Variants in CORO2B observed in about 807,000 individuals in gnomAD.
The protein encoded by CORO2B is coronin 2B.
A neutral mutation model predicts 58.8 loss-of-function variants in CORO2B; 26 were observed. That is an observed-to-expected ratio of 0.44 (90% CI 0.32 to 0.61). CORO2B has a LOEUF of 0.61. Among genes scored for constraint, CORO2B ranks in the 20% least tolerant of loss-of-function variants. CORO2B has a pLI of 0.04. For missense variants in CORO2B, 460 were observed against 645.1 expected (o/e 0.71, Z 3.11); for synonymous variants, 242 against 253.8 (o/e 0.95, Z 0.44).
At chr15:68,724,156 C>A (rs975577740) in intron 11 of CORO2B, among the ~76,000 whole-genome samples, 3 of 152,160 alleles carry the variant, frequency 2.0e-5, no homozygotes, top group African/African-American at 7.2e-5. Flanking sequence ...GAGCCAAGAT[C>A]GCGCCACTGC....
chr15:68,720,177 C>T (rs947990847), intron 11 of CORO2B, among the ~76,000 whole-genome samples: 1 of 152,184 alleles, frequency 6.6e-6, no homozygotes, highest in Non-Finnish European at 1.5e-5. Context: ...ATGGAGATGG[C>T]TGCATGACCC....
chr15:68,541,339 G>A, the CORO2B span, among the ~76,000 whole-genome samples: 10 of 152,086 alleles, frequency 6.6e-5, no homozygotes, highest in Non-Finnish European at 4.4e-5. Flanking sequence ...AGTCCTATTG[G>A]CACCAAGTAG....
the CORO2B span, among the ~76,000 whole-genome samples, chr15:68,530,992 A>G: frequency 6.6e-6 from 1 of 152,066 alleles, no homozygotes; most frequent in Non-Finnish European, 1.5e-5. Flanking sequence ...CTTTTTGCTC[A>G]TTCTTTTTTG....
intron 1 of CORO2B, among the ~76,000 whole-genome samples, chr15:68,604,667 C>T (rs1308170357): frequency 4.0e-5 from 6 of 151,726 alleles, no homozygotes; most frequent in Admixed American, 3.9e-4. Flanking sequence ...AATTCCTCAT[C>T]CCAGCATTCC....
At chr15:68,693,117 C>T (rs1194601521) in intron 2 of CORO2B, among the ~76,000 whole-genome samples, 2 of 152,226 alleles carry the variant, frequency 1.3e-5, no homozygotes, top group Non-Finnish European at 2.9e-5. Context: ...TGGGTCCAGC[C>T]TCTGAGGCTT....
chr15:68,687,747 G>A (rs1210792691), intron 2 of CORO2B, among the ~76,000 whole-genome samples: 2 of 152,250 alleles, frequency 1.3e-5, no homozygotes, highest in African/African-American at 4.8e-5. Flanking sequence ...CAGGCATCTG[G>A]CAACGGCCTT....
the CORO2B span, among the ~76,000 whole-genome samples, chr15:68,544,632 C>T: frequency 4.6e-5 from 7 of 152,130 alleles, no homozygotes; most frequent in African/African-American, 1.7e-4. Flanking sequence ...TGATTTTGGT[C>T]TCCATTATGG....
At chr15:68,672,598 CAG>C (rs1334944326) in intron 2 of CORO2B, among the ~76,000 whole-genome samples, 3 of 152,156 alleles carry the variant, frequency 2.0e-5, no homozygotes, top group Non-Finnish European at 2.9e-5. Flanking sequence ...GAAGTTAAAA[CAG>C]AAATGTCTGA....
chr15:68,544,520 A>C, the CORO2B span, among the ~76,000 whole-genome samples: 3 of 152,166 alleles, frequency 2.0e-5, no homozygotes, highest in Admixed American at 1.3e-4. Flanking sequence ...GATGCAGAGG[A>C]TGGCCCCCTG....
chr15:68,683,387 G>C (rs563170470), intron 2 of CORO2B, among the ~76,000 whole-genome samples: 1 of 152,326 alleles, frequency 6.6e-6, no homozygotes, highest in African/African-American at 2.4e-5. Flanking sequence ...GCTCTGTGGC[G>C]GGGGAGGAGA....
chr15:68,673,309 G>C (rs1902464131), intron 2 of CORO2B, among the ~76,000 whole-genome samples: 1 of 152,136 alleles, frequency 6.6e-6, no homozygotes, highest in Non-Finnish European at 1.5e-5. Flanking sequence ...GCTGAGGTGG[G>C]AGGATTGCTT....
At chr15:68,638,403 A>G (rs891654172) in intron 1 of CORO2B, among the ~76,000 whole-genome samples, 1 of 152,244 alleles carries the variant, frequency 6.6e-6, no homozygotes, top group African/African-American at 2.4e-5. Flanking sequence ...AGTGAGCTGG[A>G]TGACATTATT....
intron 2 of CORO2B, among the ~76,000 whole-genome samples, chr15:68,694,082 C>T (rs910580635): frequency 4.6e-5 from 7 of 152,168 alleles, no homozygotes; most frequent in African/African-American, 1.4e-4. Context: ...GTGATCTGCC[C>T]GCCTTGGCCT....
chr15:68,556,396 A>G, the CORO2B span, among the ~76,000 whole-genome samples: 2 of 152,212 alleles, frequency 1.3e-5, no homozygotes, highest in Non-Finnish European at 2.9e-5. Flanking sequence ...ACAGGTCCCT[A>G]CAACTCCTCA....
the CORO2B span, among the ~76,000 whole-genome samples, chr15:68,524,793 G>A: frequency 1.3e-5 from 2 of 152,112 alleles, no homozygotes; most frequent in African/African-American, 4.8e-5. Context: ...AACACTCCAC[G>A]GGACTCACTA....
chr15:68,688,330 G>C (rs2131013), intron 2 of CORO2B, among the ~76,000 whole-genome samples: 135,690 of 152,158 alleles, frequency 0.89, 61,445 homozygotes, highest in East Asian at 1. Context: ...TTTTTAGATA[G>C]GGATCCTTTT....
upstream of CORO2B, among the ~76,000 whole-genome samples, chr15:68,574,827 C>G (rs1899248369): frequency 6.6e-6 from 1 of 152,204 alleles, no homozygotes; most frequent in Admixed American, 6.5e-5. Flanking sequence ...AGAGCTGACA[C>G]TTGAGCTGGG....
chr15:68,693,394 CCTT>C (rs1892432856), intron 2 of CORO2B, among the ~76,000 whole-genome samples: 1 of 152,210 alleles, frequency 6.6e-6, no homozygotes, highest in South Asian at 2.1e-4. Context: ...TTCTCCTCCT[CCTT>C]ATTATTCTGA....
chr15:68,536,943 C>T, the CORO2B span, among the ~76,000 whole-genome samples: 2 of 152,308 alleles, frequency 1.3e-5, no homozygotes, highest in East Asian at 3.9e-4. Context: ...GGCAGGGAAA[C>T]CACGAATGGT....
Sources: gnomAD v4.1 joint callset for allele counts (sites outside exome capture counted in the v4.1 genomes callset) on GRCh38, gnomAD v4.1.1 for gene constraint, MANE v1.5 for transcripts, NCBI Gene and HGNC (gene_info 2026-07-23, HGNC 2026-07-21) for gene names.